Variants in SGSM1 observed in about 807,000 individuals in gnomAD.
SGSM1 encodes RUN and TBC1 domain containing 2.
In SGSM1, 73 loss-of-function variants were observed where a neutral mutation model predicts 133.8. The ratio of observed to expected loss-of-function variants is 0.55; its 90% CI spans 0.45 to 0.66. The LOEUF is 0.66. Among genes scored for constraint, SGSM1 ranks in the 30% least tolerant of loss-of-function variants. The probability of loss-of-function intolerance (pLI) is 0.00; values close to 1 mark genes in which losing one functional copy is unlikely to be tolerated. For synonymous variants in SGSM1, 563 were observed against 573.0 expected (o/e 0.98, Z 0.25); for missense variants, 1,213 against 1,448.1 (o/e 0.84, Z 2.64).
intron 3 of SGSM1, among the ~76,000 whole-genome samples, chr22:24,845,951 T>TTCTTTCTTTCTTTCTTTCTCTCTC (rs1569144681): frequency 6.2e-5 from 5 of 81,066 alleles, no homozygotes; most frequent in African/African-American, 2.1e-4. Flanking sequence ...TTTTCTTTCT[T>TTCTTTCTTTCTTTCTTTCTCTCTC]TCTTTCTTTC....
chr22:24,812,487 T>C (rs553341560), intron 2 of SGSM1, among the ~76,000 whole-genome samples: 3 of 151,966 alleles, frequency 2.0e-5, no homozygotes, highest in African/African-American at 7.3e-5. Flanking sequence ...TGGGCAGTGG[T>C]GGGCAGCTAT....
chr22:24,814,005 A>G (rs1927912977), intron 2 of SGSM1: 1 of 152,210 alleles, frequency 6.6e-6, no homozygotes, highest in South Asian at 2.1e-4. Flanking sequence ...GTGGCTCCTA[A>G]CAGGTCCCTT....
chr22:24,869,590 T>G (rs1931663368), intron 12 of SGSM1, among the ~76,000 whole-genome samples: 1 of 152,238 alleles, frequency 6.6e-6, no homozygotes, highest in Non-Finnish European at 1.5e-5. Flanking sequence ...CACTCAAATG[T>G]TGCTGCTGTT....
At chr22:24,868,271 C>CTGG in intron 10 of SGSM1, 105 bp from the exon 11 acceptor site, 1 of 1,467,880 alleles carries the variant, frequency 6.8e-7, no homozygotes, top group Non-Finnish European at 9.1e-7. Context: ...AGCAGGATCC[C>CTGG]TGGGTCTGGC....
chr22:24,813,147 C>T (rs930399510), intron 2 of SGSM1, among the ~76,000 whole-genome samples: 6 of 152,072 alleles, frequency 3.9e-5, no homozygotes, highest in South Asian at 4.1e-4. Context: ...GAGGGAATAG[C>T]GTATGCAGAG....
intron 21 of SGSM1, among the ~76,000 whole-genome samples, chr22:24,908,673 G>A (rs553838170): frequency 3.7e-4 from 56 of 152,070 alleles, no homozygotes; most frequent in African/African-American, 1.3e-3. Flanking sequence ...GTGGTGGCGG[G>A]CGCCTGTAGT....
At chr22:24,877,432 T>C (rs1003952020) in intron 13 of SGSM1, among the ~76,000 whole-genome samples, 2 of 152,108 alleles carry the variant, frequency 1.3e-5, no homozygotes, top group Admixed American at 6.6e-5. Context: ...CATCTTCTGT[T>C]TGCCCATAGA....
At position 24,874,616 on chromosome 22, in the gene SGSM1, T is replaced by C. The variant is rs572788617; in HGVS notation, c.1292-1961T>C. On this transcript the variant is annotated intron_variant, in intron 12 of 24. Transcript: ENST00000400358. ...GATCTCCCCGTCCCCAGGGGCTGGG[T>C]GCCAGCCACCTCTGCCATGTTGTCA... is the stretch of plus-strand genomic sequence containing the variant. The C allele has an allele frequency of 2.6e-6, 4 of 1,538,006 alleles. No individual in the cohort carries two copies. In the South Asian group the frequency reaches 5.0e-5, roughly 19 times the overall value.
chr22:24,844,800 G>C, intron 2 of SGSM1, 97 bp from the exon 3 acceptor site: 1 of 1,083,978 alleles, frequency 9.2e-7, no homozygotes, highest in Non-Finnish European at 1.4e-6. Flanking sequence ...AGCCTGAAAG[G>C]CCTTGTGGGG....
At chr22:24,867,430 C>T (rs1931522169) in intron 10 of SGSM1, among the ~76,000 whole-genome samples, 1 of 152,190 alleles carries the variant, frequency 6.6e-6, no homozygotes, top group African/African-American at 2.4e-5. Flanking sequence ...ATGGCTATGG[C>T]GTTAGCTGCT....
chr22:24,922,267 A>G (rs6004359), intron 24 of SGSM1, among the ~76,000 whole-genome samples: 84,101 of 145,050 alleles, frequency 0.58, 25,667 homozygotes, highest in African/African-American at 0.81. Flanking sequence ...TGCAAGCTCC[A>G]CCTGTGGGAT....
rs1934205919 is a variant in SGSM1, at chr22:24,926,386, A to G, written c.*2112A>G. 1 of 152,208 alleles carries G rather than the reference A, an allele frequency of 6.6e-6. No homozygotes were observed. Among genetic ancestry groups the G allele is most frequent in the African/African-American group, 2.4e-5 (1 of 41,442 alleles). 9.4% of individuals were successfully genotyped at this position (152,208 alleles called of 1,614,324 possible). A position where few individuals can be genotyped will look rare whatever the true frequency, so the allele number is the denominator to read the frequency against. ...GGGAGACGGCAACGTTCTGGCTGCC[A>G]TTAGACTTACGTCTCCCTCCCCTAC... On this transcript the variant is annotated 3_prime_UTR_variant, in exon 25 of 25. Coordinates refer to ENST00000400358, the MANE Select transcript of SGSM1 (RefSeq NM_001098497.3).
intron 2 of SGSM1, among the ~76,000 whole-genome samples, chr22:24,841,406 C>T (rs1929801020): frequency 2.0e-5 from 3 of 152,192 alleles, no homozygotes; most frequent in African/African-American, 7.2e-5. Context: ...GTTCCATGTG[C>T]ACTTGAGAAA....
At position 24,926,257 on chromosome 22, in the gene SGSM1, G is replaced by A. The variant is rs987217186; in HGVS notation, c.*1983G>A. The A allele has an allele frequency of 2.0e-5, 3 of 152,196 alleles. No individual in the cohort carries two copies. Among genetic ancestry groups the A allele is most frequent in the African/African-American group, 4.8e-5 (2 of 41,432 alleles). 9.4% of individuals were successfully genotyped at this position (152,196 alleles called of 1,614,324 possible). ...CAGCCTCTGGTGCAGGGTGGATAGA[G>A]GTCTAGCCAGCCCTTACTTCCTGAA... On this transcript the variant is annotated 3_prime_UTR_variant, in exon 25 of 25. Coordinates refer to ENST00000400358, the MANE Select transcript of SGSM1 (RefSeq NM_001098497.3).
chr22:24,879,551 T>C (rs2147891019), intron 14 of SGSM1, 25 bp downstream of exon 14: 2 of 1,608,268 alleles, frequency 1.2e-6, no homozygotes, highest in East Asian at 4.5e-5. Flanking sequence ...CCATTGCCAG[T>C]GTGTCTCCGT....
chr22:24,909,401 A>C, intron 21 of SGSM1, among the ~76,000 whole-genome samples: 1 of 152,126 alleles, frequency 6.6e-6, no homozygotes, highest in East Asian at 1.9e-4. Context: ...GAAGCTTTGG[A>C]CATTGCTGGT....
At chr22:24,860,354 T>G (rs1931051312) in intron 9 of SGSM1, among the ~76,000 whole-genome samples, 1 of 152,070 alleles carries the variant, frequency 6.6e-6, no homozygotes, top group African/African-American at 2.4e-5. Context: ...AGGGAAGACT[T>G]TAGGAGGAAC....
At chr22:24,886,865 C>A in intron 16 of SGSM1, 137 bp downstream of exon 16, 1 of 1,182,040 alleles carries the variant, frequency 8.5e-7, no homozygotes, top group Non-Finnish European at 1.2e-6. Flanking sequence ...GAAGGCGGCG[C>A]TGTCCAATAG....
intron 24 of SGSM1, among the ~76,000 whole-genome samples, chr22:24,920,886 A>C (rs1254614822): frequency 6.6e-6 from 1 of 152,138 alleles, no homozygotes; most frequent in Non-Finnish European, 1.5e-5. Context: ...ACCCTGGTAC[A>C]TTTGCCAAAA....
Sources: allele counts gnomAD v4.1 joint callset (sites outside exome capture counted in the v4.1 genomes callset), GRCh38; gene constraint gnomAD v4.1.1; transcripts MANE v1.5; gene names NCBI Gene and HGNC (gene_info 2026-07-23, HGNC 2026-07-21).